Variants in PSG7 observed in about 807,000 individuals in gnomAD.
PSG7 encodes pregnancy-specific beta-1-glycoprotein 7.
A neutral mutation model predicts 45.6 loss-of-function variants in PSG7; 57 were observed. That is an observed-to-expected ratio of 1.25 (90% CI 1.01 to 1.56). PSG7 has a LOEUF of 1.56. Ranked by LOEUF, PSG7 falls within the 40% of genes most tolerant of loss-of-function variation. The pLI, the probability that PSG7 is intolerant of heterozygous loss-of-function variation, is 0.00. For synonymous variants in PSG7, 298 were observed against 194.4 expected (o/e 1.53, Z -4.43); for missense variants, 796 against 508.4 (o/e 1.57, Z -5.44).
chr19:42,924,515 C>T lies in PSG7; in HGVS notation c.*293G>A, dbSNP rs563115749. On this transcript the variant is annotated 3_prime_UTR_variant, in exon 6 of 6. Coordinates refer to ENST00000406070, the MANE Select transcript of PSG7 (RefSeq NM_002783.3). ...AAGAGGCAGGCACAAGCAAGGACAGCTAAGAGGGGTGAGAGCCTCATCATG... is the reference window on the plus strand; with the variant it reads ...AAGAGGCAGGCACAAGCAAGGACAGTTAAGAGGGGTGAGAGCCTCATCATG... 4.6e-4 allele frequency: 268 copies of T among 584,800 alleles called. 2 individuals are homozygous for T. The highest frequency in any genetic ancestry group is 4.3e-3 in the African/African-American group (231 of 53,506). 36.2% of individuals were successfully genotyped at this position (584,800 alleles called of 1,614,324 possible). A position where few individuals can be genotyped will look rare whatever the true frequency, so the allele number is the denominator to read the frequency against.
In PSG7 at chr19:42,926,061, T is replaced by C. The variant is rs376749426; in HGVS notation, c.989-34A>G. The C allele has an allele frequency of 8.1e-5, 130 of 1,604,900 alleles. 1 individual carries two copies. Among genetic ancestry groups the C allele is most frequent in the Admixed American group, 1.8e-4 (11 of 59,544 alleles). ...AAGAGAATAAAGCCACAGGTGATGTTATCCGAGGGAAGGGGATGCTCCTGG... is the reference window on the plus strand; with the variant it reads ...AAGAGAATAAAGCCACAGGTGATGTCATCCGAGGGAAGGGGATGCTCCTGG... On this transcript the variant is annotated intron_variant, in intron 4 of 5. Coordinates refer to ENST00000406070, the MANE Select transcript of PSG7 (RefSeq NM_002783.3).
At position 42,924,569 on chromosome 19, in the gene PSG7, A is replaced by C. The variant is rs1360979429; in HGVS notation, c.*239T>G. 1 of 605,888 alleles carries C rather than the reference A, an allele frequency of 1.7e-6. No homozygotes were observed. The highest frequency in any genetic ancestry group is 2.9e-6 in the Non-Finnish European group (1 of 341,098). The allele number at this position is 605,888 out of a possible 1,614,324, so 37.5% of individuals were successfully genotyped here. ...GGGAGTCTTATTCTGACATCTTGGG[A>C]AAAGCTGTCCACAGTGTGAAGTCAT... On this transcript the variant is annotated 3_prime_UTR_variant, in exon 6 of 6. Coordinates refer to ENST00000406070, the MANE Select transcript of PSG7 (RefSeq NM_002783.3).
intron 3 of PSG7, among the ~76,000 whole-genome samples, chr19:42,927,895 A>G (rs1448808354): frequency 6.6e-6 from 1 of 151,666 alleles, no homozygotes. Context: ...CCTACAACTT[A>G]GGACAAAAAG....
At chr19:42,929,035 C>A (rs367765867) in intron 3 of PSG7, among the ~76,000 whole-genome samples, 1 of 151,354 alleles carries the variant, frequency 6.6e-6, no homozygotes, top group Non-Finnish European at 1.5e-5. Context: ...TGGGGGCATC[C>A]AGGCCATGTG....
At position 42,924,709 on chromosome 19, in the gene PSG7, T is replaced by C. The variant is rs1479103564; in HGVS notation, c.*99A>G. 3.9e-6 allele frequency: 3 copies of C among 765,780 alleles called. No individual in the cohort carries two copies. Among genetic ancestry groups the C allele is most frequent in the Non-Finnish European group, 7.2e-6 (3 of 417,388 alleles). The allele number at this position is 765,780 out of a possible 1,614,324, so 47.4% of individuals were successfully genotyped here. On this transcript the variant is annotated 3_prime_UTR_variant, in exon 6 of 6. Coordinates refer to ENST00000406070, the MANE Select transcript of PSG7 (RefSeq NM_002783.3). The stretch of plus-strand genomic sequence containing the variant: ...AAGGATTTTCCCATGAAATTTACAT[T>C]GAGTTGTCCAACTCTGACTTATAGG...
In PSG7 at chr19:42,924,322, T is replaced by A. The variant is rs769043096; in HGVS notation, c.*486A>T. On this transcript the variant is annotated 3_prime_UTR_variant, in exon 6 of 6. Coordinates refer to ENST00000406070, the MANE Select transcript of PSG7 (RefSeq NM_002783.3). ...AAACACACAGGCAATATCTCTGTGTTCATTTCTATTGGGAGCCCTGTATGC... is the reference window on the plus strand; with the variant it reads ...AAACACACAGGCAATATCTCTGTGTACATTTCTATTGGGAGCCCTGTATGC... The A allele has an allele frequency of 3.8e-5, 14 of 372,624 alleles. No individual in the cohort carries two copies. Among genetic ancestry groups the A allele is most frequent in the Non-Finnish European group, 5.7e-5 (12 of 209,942 alleles). The allele number at this position is 372,624 out of a possible 1,614,324, so 23.1% of individuals were successfully genotyped here. A position where few individuals can be genotyped will look rare whatever the true frequency, so the allele number is the denominator to read the frequency against.
intron 2 of PSG7, among the ~76,000 whole-genome samples, chr19:42,933,287 ATATATATATATATATATATATTTT>A (rs1345501185): frequency 1.0e-4 from 1 of 9,588 alleles, no homozygotes; most frequent in African/African-American, 2.7e-4. Flanking sequence ...ATATATATAT[ATATATATATATATATATATATTTT>A]TTTTTTTTTT....
rs1426808360 is a variant in PSG7 at position 42,924,296 on chromosome 19, C to G, written c.*512G>C. ...CTCTTTATAGAAACCATCTTCTCTG[C>G]AAACACACAGGCAATATCTCTGTGT... On this transcript the variant is annotated 3_prime_UTR_variant, in exon 6 of 6. Transcript: ENST00000406070. The G allele has an allele frequency of 3.1e-6, 1 of 324,362 alleles. No individual in the cohort carries two copies. The highest frequency in any genetic ancestry group is 2.1e-5 in the African/African-American group (1 of 46,630). The allele number at this position is 324,362 out of a possible 1,614,324, so 20.1% of individuals were successfully genotyped here.
In PSG7 at chr19:42,935,917, C is replaced by CACAA. The variant is rs1555745928; in HGVS notation, c.65-149_65-148insTTGT. 233 of 874,868 alleles carry CACAA rather than the reference C, an allele frequency of 2.7e-4. 1 individual carries two copies. In the African/African-American group the frequency reaches 2.9e-3, roughly 11 times the overall value. 54.2% of individuals were successfully genotyped at this position (874,868 alleles called of 1,614,324 possible). ...ACACACACACACACACACACACAAA[C>CACAA]ACACACACACACATATAAAAGGGGC... On this transcript the variant is annotated intron_variant, in intron 1 of 5. Coordinates refer to ENST00000406070, the MANE Select transcript of PSG7 (RefSeq NM_002783.3).
At chr19:42,933,307 A>ATATATATATATATATTTT (rs56691588) in intron 2 of PSG7, among the ~76,000 whole-genome samples, 2 of 13,504 alleles carry the variant, frequency 1.5e-4, no homozygotes, top group Admixed American at 1.6e-3. Context: ...ATATATATAT[A>ATATATATATATATATTTT]TTTTTTTTTT....
intron 5 of PSG7, chr19:42,925,195 A>G (rs1472989626): frequency 1.5e-5 from 5 of 327,056 alleles, no homozygotes; most frequent in African/African-American, 4.3e-5. Flanking sequence ...CTATATTCTT[A>G]AATATAACAT....
chr19:42,933,307 A>ATATATTTTTTTTTTTTTTTTT (rs56691588), intron 2 of PSG7, among the ~76,000 whole-genome samples: 1 of 13,506 alleles, frequency 7.4e-5, no homozygotes, highest in African/African-American at 1.7e-4. Flanking sequence ...ATATATATAT[A>ATATATTTTTTTTTTTTTTTTT]TTTTTTTTTT....
Position 42,929,595 on chromosome 19 carries a change from T to G in PSG7, c.556A>C (p.Ser186Arg). The change falls in exon 3 of 6, where the codon AGC becomes CGC. Residue 186 changes from serine to arginine, a missense_variant. Ser to Arg is a moderately radical substitution (Grantham distance 110, BLOSUM62 -1). Transcript: ENST00000406070. ...TGCAAGCTGTGAGTCATAGGGAGGC[T>G]CTGACCATTCATCCACCACAGGTAG... ...ASYLWWMNGQSLPMTHSLQLS... is the reference protein window; with the variant it reads ...ASYLWWMNGQRLPMTHSLQLS... 1 of 1,612,598 alleles carries G rather than the reference T, an allele frequency of 6.2e-7. No individual in the cohort carries two copies. The highest frequency in any genetic ancestry group is 1.1e-5 in the South Asian group (1 of 90,838).
At position 42,935,407 on chromosome 19, in the gene PSG7, A is replaced by G. The variant is rs1163992028; in HGVS notation, c.427T>C (p.Tyr143His). ...GGGACCATGTGGAATCACTCACGGT[A>G]TAAGGTGAAGGTGAAACGTCCAGTT... Reference protein sequence around the residue: ...GVTGRFTFTLYLETPKPSISS... With the variant: ...GVTGRFTFTLHLETPKPSISS... The change falls in exon 2 of 6, where the codon TAC becomes CAC. Residue 143 changes from tyrosine (Y) to histidine (H), a missense_variant. Coordinates refer to ENST00000406070, the MANE Select transcript of PSG7 (RefSeq NM_002783.3). 32 of 1,611,496 alleles carry G rather than the reference A, an allele frequency of 2.0e-5. 1 individual carries two copies. The highest frequency in any genetic ancestry group is 2.7e-5 in the African/African-American group (2 of 74,652).
chr19:42,929,626 A>T lies in PSG7; in HGVS notation c.525T>A (p.Asp175Glu), dbSNP rs771589678. ...VILTCDPETP[D>E]ASYLWWMNGQ... is the part of the protein sequence containing the mutation. ...CATTCATCCACCACAGGTAGCTTGC[A>T]TCTGGAGTCTCAGGATCACAGGTTA... The change falls in exon 3 of 6, where the codon GAT becomes GAA. Residue 175 changes from aspartate to glutamate, a missense_variant. Transcript: ENST00000406070. 4.3e-6 allele frequency: 7 copies of T among 1,612,474 alleles called. No homozygotes were observed. Among genetic ancestry groups the T allele is most frequent in the Non-Finnish European group, 5.9e-6 (7 of 1,179,268 alleles).
Position 42,935,395 on chromosome 19 carries a change from A to C in PSG7, c.430+9T>G, listed in dbSNP as rs376478106. The C allele has an allele frequency of 6.2e-7, 1 of 1,611,178 alleles. No individual in the cohort carries two copies. Among genetic ancestry groups the C allele is most frequent in the Non-Finnish European group, 8.5e-7 (1 of 1,178,548 alleles). On this transcript the variant is annotated intron_variant, in intron 2 of 5. Transcript: ENST00000406070. ...CCCCAACACCCAGGGACCATGTGGA[A>C]TCACTCACGGTATAAGGTGAAGGTG... is the stretch of plus-strand genomic sequence containing the variant.
chr19:42,936,063 C>G (rs570893801), intron 1 of PSG7: 1 of 445,812 alleles, frequency 2.2e-6, no homozygotes, highest in Non-Finnish European at 3.7e-6. Flanking sequence ...CCCAGGGGTC[C>G]GCACGGCCCC....
rs901004746 is a variant in PSG7, at chr19:42,924,229, T to G, written c.*579A>C. Reference sequence around the variant, plus strand: ...GAAATGGTGAGAGCCATCCACACAATGTGCATTTAAAGGGGAGTCTACTAT... The same window carrying G: ...GAAATGGTGAGAGCCATCCACACAAGGTGCATTTAAAGGGGAGTCTACTAT... On this transcript the variant is annotated 3_prime_UTR_variant, in exon 6 of 6. Transcript: ENST00000406070. 14 of 215,852 alleles carry G rather than the reference T, an allele frequency of 6.5e-5. 1 individual carries two copies. The highest frequency in any genetic ancestry group is 2.8e-4 in the African/African-American group (12 of 43,496). The allele number at this position is 215,852 out of a possible 1,614,324, so 13.4% of individuals were successfully genotyped here. A position where few individuals can be genotyped will look rare whatever the true frequency, so the allele number is the denominator to read the frequency against.
rs1260948273 is a variant in PSG7 at position 42,930,186 on chromosome 19, A to G, written c.431-466T>C. Among the ~76,000 whole-genome samples, 5 of 151,712 alleles carry G rather than the reference A, an allele frequency of 3.3e-5. 1 individual carries two copies. Among genetic ancestry groups the G allele is most frequent in the African/African-American group, 4.8e-5 (2 of 41,354 alleles). ...ATGATGGAACTTCCCATTGTCCTTA[A>G]ACCCTTTGGGTACTGGAAAGCCTGG... On this transcript the variant is annotated intron_variant, in intron 2 of 5. Transcript: ENST00000406070.
Sources: gnomAD v4.1 joint callset for allele counts (sites outside exome capture counted in the v4.1 genomes callset) on GRCh38, gnomAD v4.1.1 for gene constraint, MANE v1.5 for transcripts, NCBI Gene and HGNC (gene_info 2026-07-23, HGNC 2026-07-21) for gene names.